The following TJP1 variants were observed in gnomAD, a reference collection of about 807,000 sequenced individuals.
TJP1 encodes tight junction protein ZO-1.
In TJP1, 43 loss-of-function variants were observed where a neutral mutation model predicts 194.2. The observed-to-expected ratio is 0.22, with a 90% CI of 0.17 to 0.29. The LOEUF (loss-of-function observed/expected upper bound fraction) is 0.29. TJP1 is among the 10% of genes least tolerant of loss of function. The pLI is 1.00. For missense variants in TJP1, 1,971 were observed against 2,185.7 expected (o/e 0.90, Z 1.96); for synonymous variants, 801 against 779.0 (o/e 1.03, Z -0.47).
At chr15:29,753,740 G>A (rs908099523) in intron 8 of TJP1, among the ~76,000 whole-genome samples, 3 of 150,374 alleles carry the variant, frequency 2.0e-5, no homozygotes, top group Admixed American at 1.3e-4. Flanking sequence ...GATTCGACTC[G>A]CTGATTAACC....
chr15:29,713,916 T>C (rs188551887), intron 23 of TJP1, among the ~76,000 whole-genome samples: 89 of 152,192 alleles, frequency 5.8e-4, no homozygotes, highest in East Asian at 5.2e-3. Flanking sequence ...TCAAACTGAG[T>C]TCTGAGTAAA....
At position 29,849,982 on chromosome 15, in the gene TJP1, G is replaced by T. The variant is rs566955566; in HGVS notation, c.307-49280C>A. On this transcript the variant is annotated intron_variant, in intron 2 of 28. Coordinates refer to the TJP1 transcript ENST00000356107. ...TTCCTTGTTCTCTCTTGGATCACTCGCTCTGGGGAAAGCCAGATGCTCTGT... is the reference window on the plus strand; with the variant it reads ...TTCCTTGTTCTCTCTTGGATCACTCTCTCTGGGGAAAGCCAGATGCTCTGT... 1.1e-4 allele frequency among the ~76,000 whole-genome samples: 16 copies of T among 152,132 alleles called. No homozygotes were observed. The South Asian group carries it at 3.1e-3, about 30-fold the overall frequency.
intron 2 of TJP1, among the ~76,000 whole-genome samples, chr15:29,951,869 G>C (rs1415797932): frequency 6.6e-6 from 1 of 152,172 alleles, no homozygotes. Flanking sequence ...AACTGCCTAA[G>C]TTTATGTTCT....
Position 29,719,847 on chromosome 15 carries a change from C to T in TJP1, c.2933G>A (p.Ser978Asn), listed in dbSNP as rs191973706. 859 of 1,614,156 alleles carry T rather than the reference C, an allele frequency of 5.3e-4. 3 individuals are homozygous for T. The African/African-American group carries it at 9.4e-3, about 18-fold the overall frequency. The change falls in exon 20 of 28, where the codon AGT (serine) becomes AAT (asparagine). Residue 978 changes from serine to asparagine, a missense_variant. Physicochemically the swap from Ser to Asn is conservative, Grantham distance 46. Coordinates refer to ENST00000614355, the MANE Select transcript of TJP1 (RefSeq NM_001330239.4). ...TAGCATTATGTGAGCTGCCTCAGTA[C>T]TTGGTGTTCTTAAAGAATCAGCTTG... The part of the protein sequence containing the change: ...SPQADSLRTP[S>N]TEAAHIMLRD...
chr15:29,875,869 T>A (rs546424154), intron 2 of TJP1, among the ~76,000 whole-genome samples: 1 of 152,280 alleles, frequency 6.6e-6, no homozygotes, highest in African/African-American at 2.4e-5. Flanking sequence ...TGGCCAGTTC[T>A]CCTCAATATT....
At position 29,726,400 on chromosome 15, in the gene TJP1, C is replaced by A. The variant is rs2043239558; in HGVS notation, c.2391G>T (p.Leu797=). 1.2e-6 allele frequency: 2 copies of A among 1,613,882 alleles called. No homozygotes were observed. Among genetic ancestry groups the A allele is most frequent in the Non-Finnish European group, 1.7e-6 (2 of 1,179,960 alleles). ...KEAIQQQQNQ[L]VWVSEGKADG... is the part of the protein sequence containing the mutation. Reference sequence around the variant, plus strand: ...TTACCTTTCCCTCGGAAACCCATACCAGCTGGTTTTGCTGTTGTTGAATTG... The same window carrying A: ...TTACCTTTCCCTCGGAAACCCATACAAGCTGGTTTTGCTGTTGTTGAATTG... The change falls in exon 18 of 28, where the codon CTG becomes CTT. Residue 797 remains leucine (L), a synonymous_variant. Transcript: ENST00000614355.
chr15:29,874,297 T>C (rs2152120980), intron 2 of TJP1, among the ~76,000 whole-genome samples: 1 of 152,252 alleles, frequency 6.6e-6, no homozygotes, highest in South Asian at 2.1e-4. Flanking sequence ...GTATCAGGGA[T>C]GGGGTTGCAG....
intron 1 of TJP1, among the ~76,000 whole-genome samples, chr15:29,807,936 A>G (rs1480905809): frequency 6.6e-6 from 1 of 152,146 alleles, no homozygotes; most frequent in African/African-American, 2.4e-5. Context: ...TAATCCTTGA[A>G]AACTGGTAAA....
intron 18 of TJP1, among the ~76,000 whole-genome samples, chr15:29,721,064 T>C (rs183931483): frequency 2.0e-5 from 3 of 152,318 alleles, no homozygotes; most frequent in Non-Finnish European, 2.9e-5. Flanking sequence ...GGGAGAATGT[T>C]ACCAAACTAA....
intron 2 of TJP1, among the ~76,000 whole-genome samples, chr15:29,927,225 C>A (rs2054554196): frequency 6.6e-6 from 1 of 152,116 alleles, no homozygotes; most frequent in Admixed American, 6.5e-5. Context: ...GAGGCTGAGG[C>A]AGGAGAATCG....
chr15:29,793,025 T>C (rs2048191830), intron 2 of TJP1, among the ~76,000 whole-genome samples: 1 of 152,226 alleles, frequency 6.6e-6, no homozygotes, highest in Non-Finnish European at 1.5e-5. Context: ...CCTTAGGTTT[T>C]TCTAAATTTA....
At chr15:29,719,194 T>C (rs1173623182) in intron 20 of TJP1, 56 bp from the exon 21 acceptor site, 4 of 1,449,848 alleles carry the variant, frequency 2.8e-6, no homozygotes, top group Non-Finnish European at 3.7e-6. Flanking sequence ...CTAGTCTATT[T>C]TATTAGACTG....
chr15:29,921,774 T>C (rs1478393640), intron 2 of TJP1, among the ~76,000 whole-genome samples: 1 of 152,162 alleles, frequency 6.6e-6, no homozygotes, highest in Non-Finnish European at 1.5e-5. Context: ...AACCCACATA[T>C]ACCCATTCTC....
intron 2 of TJP1, among the ~76,000 whole-genome samples, chr15:29,827,784 T>C (rs1321491220): frequency 6.6e-6 from 1 of 152,174 alleles, no homozygotes; most frequent in African/African-American, 2.4e-5. Context: ...ATGACACTTT[T>C]TTCCTCCCTT....
intron 2 of TJP1, among the ~76,000 whole-genome samples, chr15:29,795,658 C>T (rs917275721): frequency 2.0e-5 from 3 of 151,994 alleles, no homozygotes; most frequent in African/African-American, 7.2e-5. Context: ...GGAAGGAACA[C>T]GTCCCAACTC....
intron 2 of TJP1, among the ~76,000 whole-genome samples, chr15:29,856,522 A>G (rs1567138166): frequency 2.0e-5 from 3 of 152,146 alleles, no homozygotes; most frequent in Non-Finnish European, 2.9e-5. Context: ...AATTATAGTT[A>G]TATTTTTACC....
chr15:29,797,396 T>C (rs981167751), intron 2 of TJP1, among the ~76,000 whole-genome samples: 17 of 152,268 alleles, frequency 1.1e-4, no homozygotes, highest in Non-Finnish European at 1.9e-4. Flanking sequence ...GTAATTTGTC[T>C]GCCTTGGCCT....
chr15:29,888,362 T>C (rs555503350), intron 2 of TJP1, among the ~76,000 whole-genome samples: 14 of 152,238 alleles, frequency 9.2e-5, no homozygotes, highest in African/African-American at 3.1e-4. Context: ...CACACACATA[T>C]ATACACGCAC....
Position 29,812,481 on chromosome 15 carries a change from A to C in TJP1, c.27+9521T>G, listed in dbSNP as rs545450351. ...AGAAAACAATCAGCTGGGGCTGAGCAAGAGCTGCTTCCTTTAGACAAACTG... is the reference window on the plus strand; with the variant it reads ...AGAAAACAATCAGCTGGGGCTGAGCCAGAGCTGCTTCCTTTAGACAAACTG... On this transcript the variant is annotated intron_variant, in intron 1 of 27. Coordinates refer to ENST00000614355, the MANE Select transcript of TJP1 (RefSeq NM_001330239.4). 2.6e-5 allele frequency among the ~76,000 whole-genome samples: 4 copies of C among 152,350 alleles called. No homozygotes were observed. The East Asian group carries it at 7.7e-4, about 29-fold the overall frequency.
Sources: gnomAD v4.1 joint callset for allele counts (sites outside exome capture counted in the v4.1 genomes callset) on GRCh38, gnomAD v4.1.1 for gene constraint, MANE v1.5 for transcripts, NCBI Gene and HGNC (gene_info 2026-07-23, HGNC 2026-07-21) for gene names.